Variants in NKAIN3 observed in about 807,000 individuals in gnomAD.
NKAIN3 encodes sodium/potassium-transporting ATPase subunit beta-1-interacting protein 3.
Under a neutral mutation model 30.2 loss-of-function variants are expected in NKAIN3, and 25 were observed. The observed-to-expected ratio is 0.83, with a 90% CI of 0.60 to 1.16. NKAIN3 has a LOEUF of 1.16. Ranked by LOEUF, NKAIN3 falls within the 50% of genes most tolerant of loss-of-function variation. The pLI, the probability that NKAIN3 is intolerant of heterozygous loss-of-function variation, is 0.00. For missense variants in NKAIN3, 225 were observed against 254.1 expected (o/e 0.89, Z 0.78); for synonymous variants, 91 against 89.6 (o/e 1.02, Z -0.09).
intron 3 of NKAIN3, among the ~76,000 whole-genome samples, chr8:62,724,193 A>C (rs1382434158): frequency 2.0e-5 from 3 of 152,098 alleles, no homozygotes; most frequent in Admixed American, 2.0e-4. Context: ...TATACATAAG[A>C]AAGTATGCTT....
intron 1 of NKAIN3, among the ~76,000 whole-genome samples, chr8:62,336,098 A>G (rs1468060530): frequency 6.6e-6 from 1 of 152,098 alleles, no homozygotes; most frequent in Non-Finnish European, 1.5e-5. Flanking sequence ...AAGTAGCAGC[A>G]GCCTGGATTT....
chr8:62,338,909 C>G (rs1465593304), intron 1 of NKAIN3, among the ~76,000 whole-genome samples: 1 of 151,980 alleles, frequency 6.6e-6, no homozygotes, highest in Non-Finnish European at 1.5e-5. Flanking sequence ...AAATGTTAAT[C>G]TCTTTTGGCA....
chr8:62,333,317 A>C (rs530420458), intron 1 of NKAIN3, among the ~76,000 whole-genome samples: 1 of 152,200 alleles, frequency 6.6e-6, no homozygotes, highest in African/African-American at 2.4e-5. Flanking sequence ...TTATGTAGTT[A>C]TTATTTATTT....
chr8:62,923,359 T>G (rs2130863112), intron 5 of NKAIN3, among the ~76,000 whole-genome samples: 1 of 151,900 alleles, frequency 6.6e-6, no homozygotes, highest in African/African-American at 2.4e-5. Context: ...ATTTGTTGAG[T>G]TTATAGTGTT....
At chr8:62,871,551 A>G (rs975144138) in intron 4 of NKAIN3, among the ~76,000 whole-genome samples, 1 of 152,224 alleles carries the variant, frequency 6.6e-6, no homozygotes, top group African/African-American at 2.4e-5. Flanking sequence ...TGTAGTTACC[A>G]TGCTATACAT....
intron 4 of NKAIN3, among the ~76,000 whole-genome samples, 164 bp downstream of exon 4, chr8:62,747,293 A>G (rs1475578000): frequency 1.3e-5 from 2 of 152,184 alleles, no homozygotes; most frequent in Admixed American, 1.3e-4. Context: ...GGCAGGTTAC[A>G]CCTTTTTTCT....
chr8:62,435,615 A>T (rs967925632), intron 1 of NKAIN3, among the ~76,000 whole-genome samples: 1 of 152,194 alleles, frequency 6.6e-6, no homozygotes, highest in Non-Finnish European at 1.5e-5. Flanking sequence ...GTGAGCACGT[A>T]TAAGGAGTTC....
rs58784999 is a variant in NKAIN3, at chr8:62,364,828, C to CAAAAAAAAAAAAAAA, written c.54+115710_54+115724dup. 4.7e-4 allele frequency among the ~76,000 whole-genome samples: 30 copies of CAAAAAAAAAAAAAAA among 63,748 alleles called. 4 individuals are homozygous for CAAAAAAAAAAAAAAA. The highest frequency in any genetic ancestry group is 8.9e-4 in the South Asian group (1 of 1,126). 41.8% of individuals were successfully genotyped at this position (63,748 alleles called of 152,430 possible). The stretch of plus-strand genomic sequence containing the variant: ...TGTGTGACAGAGCGAGACTCCACTA[C>CAAAAAAAAAAAAAAA]AAAAAAAAAAAAAAAAAAAAAAATC... On this transcript the variant is annotated intron_variant, in intron 1 of 6. Transcript: ENST00000623646.
intron 1 of NKAIN3, among the ~76,000 whole-genome samples, chr8:62,283,156 A>G (rs1050391213): frequency 1.3e-5 from 2 of 152,208 alleles, no homozygotes; most frequent in Admixed American, 1.3e-4. Context: ...AGACTATGAT[A>G]AATATCAAAC....
At chr8:62,764,648 A>G (rs765288741) in intron 4 of NKAIN3, among the ~76,000 whole-genome samples, 1 of 152,086 alleles carries the variant, frequency 6.6e-6, no homozygotes, top group Non-Finnish European at 1.5e-5. Flanking sequence ...CATTTTTTGT[A>G]GATACAAGGT....
chr8:62,773,062 CA>C (rs1198180284), intron 4 of NKAIN3, among the ~76,000 whole-genome samples: 1 of 152,014 alleles, frequency 6.6e-6, no homozygotes. Flanking sequence ...TACAGTTTGC[CA>C]ATATTTTCTC....
At chr8:62,267,302 A>C (rs1289738645) in intron 1 of NKAIN3, among the ~76,000 whole-genome samples, 1 of 152,198 alleles carries the variant, frequency 6.6e-6, no homozygotes, top group Non-Finnish European at 1.5e-5. Flanking sequence ...TTCCTGCAAA[A>C]CATTTTTCCT....
chr8:62,985,446 C>T (rs1032051507), downstream of NKAIN3, among the ~76,000 whole-genome samples: 3 of 152,302 alleles, frequency 2.0e-5, no homozygotes, highest in Middle Eastern at 3.4e-3. Flanking sequence ...GCTCCCCTGC[C>T]TCTATCTTGT....
rs2130913895 is a variant in NKAIN3, at chr8:62,971,032, G to A, written c.*5625G>A. Reference sequence around the variant, plus strand: ...AAATTCTGGAGACAGTCAGCAAAGAGCCGGATGTGATTTCCCTAGAGACAA... The same window carrying A: ...AAATTCTGGAGACAGTCAGCAAAGAACCGGATGTGATTTCCCTAGAGACAA... On this transcript the variant is annotated 3_prime_UTR_variant, in exon 7 of 7. Coordinates refer to ENST00000623646, the MANE Select transcript of NKAIN3 (RefSeq NM_001304533.3). 6.6e-6 allele frequency among the ~76,000 whole-genome samples: 1 copy of A among 150,380 alleles called. No homozygotes were observed. The highest frequency in any genetic ancestry group is 2.0e-4 in the East Asian group (1 of 4,954).
chr8:62,439,865 T>C (rs1805273594), intron 1 of NKAIN3, among the ~76,000 whole-genome samples: 1 of 152,218 alleles, frequency 6.6e-6, no homozygotes. Flanking sequence ...AGTGTTGTAC[T>C]TTACTGCATT....
At chr8:62,963,142 C>T (rs776434406) in intron 6 of NKAIN3, among the ~76,000 whole-genome samples, 1 of 152,208 alleles carries the variant, frequency 6.6e-6, no homozygotes. Flanking sequence ...ATCCACCAGA[C>T]TCAGCCTCCC....
At chr8:62,407,043 C>T (rs887554446) in intron 1 of NKAIN3, among the ~76,000 whole-genome samples, 2 of 152,008 alleles carry the variant, frequency 1.3e-5, no homozygotes, top group African/African-American at 4.8e-5. Flanking sequence ...GAATGTAAAA[C>T]ATTTGCAATA....
intron 1 of NKAIN3, among the ~76,000 whole-genome samples, chr8:62,250,567 C>T (rs1812068674): frequency 6.6e-6 from 1 of 152,214 alleles, no homozygotes; most frequent in African/African-American, 2.4e-5. Context: ...AACATTGAGT[C>T]AACCCTTGAT....
chr8:62,345,592 C>CATATATACACAT (rs1230304614), intron 1 of NKAIN3, among the ~76,000 whole-genome samples: 15 of 124,608 alleles, frequency 1.2e-4, no homozygotes, highest in South Asian at 2.6e-4. Flanking sequence ...TATATACACA[C>CATATATACACAT]ATATATACAC....
Sources: gnomAD v4.1 joint callset for allele counts (sites outside exome capture counted in the v4.1 genomes callset) on GRCh38, gnomAD v4.1.1 for gene constraint, MANE v1.5 for transcripts, NCBI Gene and HGNC (gene_info 2026-07-23, HGNC 2026-07-21) for gene names.